The following RELN variants were observed in gnomAD, a reference collection of about 807,000 sequenced individuals.
The protein encoded by RELN is reelin.
Under a neutral mutation model 427.6 loss-of-function variants are expected in RELN, and 108 were observed. The observed-to-expected ratio is 0.25, with a 90% CI of 0.22 to 0.30. RELN has a LOEUF of 0.30. Among genes scored for constraint, RELN ranks in the 10% least tolerant of loss-of-function variants. The probability of loss-of-function intolerance (pLI) is 1.00; values close to 1 mark genes in which losing one functional copy is unlikely to be tolerated. For missense variants in RELN, 3,715 were observed against 4,302.8 expected (o/e 0.86, Z 3.82); for synonymous variants, 1,524 against 1,513.4 (o/e 1.01, Z -0.16).
At chr7:103,576,823 G>A (rs1831013703) in intron 28 of RELN, among the ~76,000 whole-genome samples, 1 of 152,202 alleles carries the variant, frequency 6.6e-6, no homozygotes, top group African/African-American at 2.4e-5. Flanking sequence ...GAACACTAGT[G>A]GGCTGGGCTA....
intron 11 of RELN, among the ~76,000 whole-genome samples, chr7:103,675,442 C>A (rs957961422): frequency 6.6e-6 from 1 of 152,130 alleles, no homozygotes; most frequent in African/African-American, 2.4e-5. Context: ...CAATCAATAT[C>A]ATGAAAATGG....
Position 103,824,205 on chromosome 7 carries a change from GTCT to G in RELN, c.473+9329_473+9331del, listed in dbSNP as rs72449228. ...TTTCTGCCATTATCTCTTCAAATTT[GTCT>G]TATTATTTTTATTCTCTCCTTCTAA... On this transcript the variant is annotated intron_variant, in intron 3 of 64. Transcript: ENST00000428762. The surrounding 1 kb of genome is among the most constrained non-coding windows in gnomAD (Gnocchi z 4.4). Among the ~76,000 whole-genome samples the G allele has an allele frequency of 0.012, 1,784 of 151,998 alleles. 40 individuals are homozygous for G. Among genetic ancestry groups the G allele is most frequent in the African/African-American group, 0.041 (1,695 of 41,486 alleles).
chr7:103,799,404 G>C (rs1409326904), intron 3 of RELN, among the ~76,000 whole-genome samples: 1 of 152,176 alleles, frequency 6.6e-6, no homozygotes, highest in Non-Finnish European at 1.5e-5. Context: ...GAAGAGAGCA[G>C]TGCTTCTGTA....
chr7:103,589,635 G>A lies in RELN; in HGVS notation c.4106C>T (p.Thr1369Ile). 2.5e-6 allele frequency: 4 copies of A among 1,613,668 alleles called. No individual in the cohort carries two copies. The highest frequency in any genetic ancestry group is 3.4e-6 in the Non-Finnish European group (4 of 1,179,638). Residue 1369 changes from threonine to isoleucine, a missense_variant, in exon 28 of 65, where the codon ACA (threonine) becomes ATA (isoleucine). Transcript: ENST00000428762. Reference protein sequence around the residue: ...MYHTGDFEEWTRITIVIPRSL... With the variant: ...MYHTGDFEEWIRITIVIPRSL... ...CCTTGGAATAACAATGGTGATTCTT[G>A]TCCATTCTTCAAAGTCCCCTGTGTG...
At chr7:103,617,776 G>T (rs1832117667) in intron 20 of RELN, among the ~76,000 whole-genome samples, 1 of 151,952 alleles carries the variant, frequency 6.6e-6, no homozygotes, top group Admixed American at 6.6e-5. Context: ...CTGAAGAGGG[G>T]GCCTAATGGG....
At chr7:103,956,107 G>T (rs1563110386) in intron 1 of RELN, among the ~76,000 whole-genome samples, 1 of 152,042 alleles carries the variant, frequency 6.6e-6, no homozygotes, top group African/African-American at 2.4e-5. Context: ...ATGGTATCAG[G>T]GTTTTCCCAC....
chr7:103,725,242 T>C (rs1790176194), intron 7 of RELN, among the ~76,000 whole-genome samples: 1 of 152,214 alleles, frequency 6.6e-6, no homozygotes, highest in African/African-American at 2.4e-5. Context: ...AAATGCATTT[T>C]CAAATATGTG....
chr7:103,525,599 C>A (rs1829805885), intron 46 of RELN, among the ~76,000 whole-genome samples: 1 of 152,068 alleles, frequency 6.6e-6, no homozygotes. Flanking sequence ...ACAGTTATGT[C>A]TGTTTATCTG....
chr7:103,893,765 C>G (rs1328174537), intron 2 of RELN, among the ~76,000 whole-genome samples: 1 of 152,136 alleles, frequency 6.6e-6, no homozygotes, highest in Non-Finnish European at 1.5e-5. Flanking sequence ...AGAAACAATA[C>G]TTATGTTTGT....
At chr7:103,969,880 T>C (rs1454989234) in intron 1 of RELN, among the ~76,000 whole-genome samples, 1 of 152,190 alleles carries the variant, frequency 6.6e-6, no homozygotes, top group East Asian at 1.9e-4. Flanking sequence ...CTTAACGAAG[T>C]TGAGTACCTT....
chr7:103,901,760 T>C (rs1795089501), intron 2 of RELN, among the ~76,000 whole-genome samples: 1 of 152,050 alleles, frequency 6.6e-6, no homozygotes, highest in African/African-American at 2.4e-5. Flanking sequence ...AATTTGGGAC[T>C]GACTCCTAAT....
chr7:103,916,984 G>A, intron 2 of RELN, 91 bp downstream of exon 2: 2 of 966,694 alleles, frequency 2.1e-6, no homozygotes, highest in Non-Finnish European at 1.7e-6. Context: ...AAGTAATAAA[G>A]GTCTAACACT....
At chr7:103,525,401 C>T (rs560830712) in intron 46 of RELN, among the ~76,000 whole-genome samples, 1 of 152,232 alleles carries the variant, frequency 6.6e-6, no homozygotes, top group South Asian at 2.1e-4. Flanking sequence ...CCTTTTTGTT[C>T]AACATCGTAG....
Position 103,472,439 on chromosome 7 carries a change from T to A in RELN, c.*373A>T. 1 of 284,332 alleles carries A rather than the reference T, an allele frequency of 3.5e-6. No individual in the cohort carries two copies. The highest frequency in any genetic ancestry group is 6.8e-6 in the Non-Finnish European group (1 of 147,096). The allele number at this position is 284,332 out of a possible 1,614,324, so 17.6% of individuals were successfully genotyped here. A position where few individuals can be genotyped will look rare whatever the true frequency, so the allele number is the denominator to read the frequency against. Reference sequence around the variant, plus strand: ...CCGAAATACAGTCCACTTAAATAGCTTTGTGACCAAGAATGTTAAATACTG... The same window carrying A: ...CCGAAATACAGTCCACTTAAATAGCATTGTGACCAAGAATGTTAAATACTG... On this transcript the variant is annotated 3_prime_UTR_variant, in exon 65 of 65. Coordinates refer to ENST00000428762, the MANE Select transcript of RELN (RefSeq NM_005045.4).
At chr7:103,491,468 A>G (rs1828647620) in intron 58 of RELN, among the ~76,000 whole-genome samples, 2 of 152,180 alleles carry the variant, frequency 1.3e-5, no homozygotes, top group Non-Finnish European at 2.9e-5. Context: ...TGAAAATAAG[A>G]CATATGTATA....
intron 4 of RELN, among the ~76,000 whole-genome samples, chr7:103,754,598 G>T (rs1213723070): frequency 1.5e-5 from 2 of 137,776 alleles, no homozygotes; most frequent in African/African-American, 5.4e-5. Flanking sequence ...TATAGTAGGA[G>T]ACCTCGTCTC....
intron 18 of RELN, 126 bp from the exon 19 acceptor site, chr7:103,635,712 T>C (rs1014333076): frequency 1.3e-6 from 1 of 746,126 alleles, no homozygotes; most frequent in Admixed American, 2.2e-5. Flanking sequence ...TTAAGTAATT[T>C]CATTGTTAGA....
intron 3 of RELN, among the ~76,000 whole-genome samples, chr7:103,796,625 C>T (rs1792304758): frequency 6.6e-6 from 1 of 152,126 alleles, no homozygotes; most frequent in South Asian, 2.1e-4. Flanking sequence ...TCCCAGTACT[C>T]TGAGAGGCCA....
intron 3 of RELN, among the ~76,000 whole-genome samples, chr7:103,790,219 G>A (rs1307488293): frequency 1.3e-5 from 2 of 152,108 alleles, no homozygotes; most frequent in Non-Finnish European, 2.9e-5. Flanking sequence ...AGCATTGGGA[G>A]AAATACCTAA....
Sources: allele counts gnomAD v4.1 joint callset (sites outside exome capture counted in the v4.1 genomes callset), GRCh38; gene constraint gnomAD v4.1.1; non-coding constraint Gnocchi (gnomAD v3.1); transcripts MANE v1.5; gene names NCBI Gene and HGNC (gene_info 2026-07-23, HGNC 2026-07-21).